Variants in RBPMS2 observed in about 807,000 individuals in gnomAD.
RBPMS2 encodes RNA-binding protein with multiple splicing 2.
Under a neutral mutation model 25.7 loss-of-function variants are expected in RBPMS2, and 14 were observed. The observed-to-expected ratio is 0.55, with a 90% confidence interval of 0.36 to 0.85. RBPMS2 has a LOEUF of 0.85. Ranked by LOEUF, RBPMS2 falls within the 40% of genes least tolerant of loss-of-function variation. The pLI is 0.01. For synonymous variants in RBPMS2, 127 were observed against 115.6 expected (o/e 1.10, Z -0.63); for missense variants, 252 against 283.4 (o/e 0.89, Z 0.80).
At chr15:64,774,075 T>C (rs1399635908) in intron 1 of RBPMS2, among the ~76,000 whole-genome samples, 1 of 152,172 alleles carries the variant, frequency 6.6e-6, no homozygotes, top group African/African-American at 2.4e-5. Context: ...GAGTGGGAGC[T>C]GGCGGCGCTG....
intron 1 of RBPMS2, among the ~76,000 whole-genome samples, chr15:64,756,240 G>T (rs1280128312): frequency 6.6e-6 from 1 of 152,222 alleles, no homozygotes; most frequent in East Asian, 1.9e-4. Flanking sequence ...AGAGGGCCGG[G>T]CATGGTGGCT....
At chr15:64,761,444 G>A (rs1218144564) in intron 1 of RBPMS2, among the ~76,000 whole-genome samples, 1 of 152,212 alleles carries the variant, frequency 6.6e-6, no homozygotes, top group Non-Finnish European at 1.5e-5. Context: ...CTGTTCCCAA[G>A]TGCCCAGCTC....
chr15:64,762,693 C>T (rs1462109186), intron 1 of RBPMS2, among the ~76,000 whole-genome samples: 2 of 152,200 alleles, frequency 1.3e-5, no homozygotes, highest in African/African-American at 2.4e-5. Context: ...TTGTGGCCTT[C>T]GCTTGTCAGC....
intron 2 of RBPMS2, among the ~76,000 whole-genome samples, chr15:64,751,127 G>A (rs1389818383): frequency 6.6e-6 from 1 of 152,136 alleles, no homozygotes; most frequent in African/African-American, 2.4e-5. Context: ...GAGGTCAGGA[G>A]TTCAAGACCA....
chr15:64,770,945 A>T (rs1390409027), intron 1 of RBPMS2, among the ~76,000 whole-genome samples: 6 of 152,224 alleles, frequency 3.9e-5, no homozygotes, highest in Non-Finnish European at 8.8e-5. Flanking sequence ...TGCAAGCAGC[A>T]GCCCTGTCCC....
chr15:64,752,013 A>T (rs1171946845), intron 1 of RBPMS2, among the ~76,000 whole-genome samples: 1 of 149,312 alleles, frequency 6.7e-6, no homozygotes, highest in Non-Finnish European at 1.5e-5. Flanking sequence ...TGCCCAGGCT[A>T]AACTGCAGTG....
rs191941394 is a variant in RBPMS2 at position 64,756,360 on chromosome 15, A to G, written c.88-4722T>C. 8.6e-4 allele frequency among the ~76,000 whole-genome samples: 131 copies of G among 152,226 alleles called. 1 individual carries two copies. Among genetic ancestry groups the G allele is most frequent in the African/African-American group, 3.0e-3 (123 of 41,562 alleles). On this transcript the variant is annotated intron_variant, in intron 1 of 7. Transcript: ENST00000300069. Reference sequence around the variant, plus strand: ...ATGAAACCCCGTCTCTACTAAAGATACAAAGTTAGCTGGGTGTGGTGGCGC... The same window carrying G: ...ATGAAACCCCGTCTCTACTAAAGATGCAAAGTTAGCTGGGTGTGGTGGCGC...
At chr15:64,756,253 C>T (rs1232578791) in intron 1 of RBPMS2, among the ~76,000 whole-genome samples, 1 of 152,204 alleles carries the variant, frequency 6.6e-6, no homozygotes, top group Non-Finnish European at 1.5e-5. Context: ...TGGTGGCTCA[C>T]ACCTGTAATC....
chr15:64,757,787 C>G (rs2083747242), intron 1 of RBPMS2, among the ~76,000 whole-genome samples: 1 of 143,300 alleles, frequency 7.0e-6, no homozygotes, highest in South Asian at 2.2e-4. Flanking sequence ...ATGCTCCAAC[C>G]TGGGCAATAT....
intron 1 of RBPMS2, among the ~76,000 whole-genome samples, chr15:64,772,075 T>C (rs2083896506): frequency 6.6e-6 from 1 of 152,250 alleles, no homozygotes; most frequent in Non-Finnish European, 1.5e-5. Context: ...TATTTATTTG[T>C]ATTATTTTTT....
intron 1 of RBPMS2, among the ~76,000 whole-genome samples, chr15:64,752,823 G>A (rs182239548): frequency 9.3e-4 from 141 of 152,178 alleles, no homozygotes; most frequent in Admixed American, 3.9e-4. Context: ...CATTGGTCAC[G>A]CTGGTCTCGA....
At chr15:64,766,670 C>T (rs569540443) in intron 1 of RBPMS2, among the ~76,000 whole-genome samples, 51 of 152,038 alleles carry the variant, frequency 3.4e-4, no homozygotes, top group East Asian at 7.7e-4. Flanking sequence ...GGACTACAGG[C>T]GCCTGCCACC....
At chr15:64,769,734 AAATC>A (rs1177174987) in intron 1 of RBPMS2, among the ~76,000 whole-genome samples, 3 of 152,198 alleles carry the variant, frequency 2.0e-5, no homozygotes, top group Admixed American at 1.3e-4. Flanking sequence ...TGGCAACTCT[AAATC>A]ATATCTGTGA....
intron 1 of RBPMS2, among the ~76,000 whole-genome samples, chr15:64,753,871 TGAAACC>T (rs1193161476): frequency 6.6e-6 from 1 of 151,972 alleles, no homozygotes; most frequent in East Asian, 1.9e-4. Flanking sequence ...CCAGGATGGG[TGAAACC>T]GAGCTCCTGA....
chr15:64,775,080 G>A (rs1430584296), intron 1 of RBPMS2, among the ~76,000 whole-genome samples, 153 bp downstream of exon 1: 1 of 150,764 alleles, frequency 6.6e-6, no homozygotes, highest in Non-Finnish European at 1.5e-5. Flanking sequence ...CCGCGGACAC[G>A]GGCCGCTCCT....
chr15:64,773,024 CCAG>C (rs1414037650), intron 1 of RBPMS2, among the ~76,000 whole-genome samples: 4 of 152,258 alleles, frequency 2.6e-5, no homozygotes, highest in South Asian at 4.2e-4. Flanking sequence ...CGCCAGTGAC[CCAG>C]CGCCTTTAGG....
intron 1 of RBPMS2, among the ~76,000 whole-genome samples, chr15:64,768,030 T>C (rs2083861444): frequency 6.6e-6 from 1 of 152,212 alleles, no homozygotes; most frequent in Middle Eastern, 3.4e-3. Flanking sequence ...AGATTGCCCG[T>C]ATGTGGAAAA....
At chr15:64,741,993 C>T (rs1002620108) in intron 6 of RBPMS2, among the ~76,000 whole-genome samples, 15 of 152,110 alleles carry the variant, frequency 9.9e-5, no homozygotes, top group African/African-American at 3.6e-4. Flanking sequence ...TGGAGAAACC[C>T]CATCTCTACT....
At chr15:64,764,400 A>G (rs934676233) in intron 1 of RBPMS2, among the ~76,000 whole-genome samples, 2 of 152,096 alleles carry the variant, frequency 1.3e-5, no homozygotes, top group Admixed American at 6.6e-5. Flanking sequence ...GCATGAACAC[A>G]CAGCCCCGAG....
Sources: gnomAD v4.1 joint callset for allele counts (sites outside exome capture counted in the v4.1 genomes callset) on GRCh38, gnomAD v4.1.1 for gene constraint, MANE v1.5 for transcripts, NCBI Gene and HGNC (gene_info 2026-07-23, HGNC 2026-07-21) for gene names.